The following STOML3 variants were observed in gnomAD, a reference collection of about 807,000 sequenced individuals.
The protein encoded by STOML3 is stomatin like 3.
STOML3 carries 31 observed loss-of-function variants against 29.5 expected under a neutral mutation model. The observed-to-expected ratio is 1.05, with a 90% CI of 0.79 to 1.42. The LOEUF is 1.42. STOML3 is among the 40% of genes most tolerant of loss of function. STOML3 has a pLI of 0.00. For synonymous variants in STOML3, 122 were observed against 139.8 expected (o/e 0.87, Z 0.90); for missense variants, 380 against 363.0 (o/e 1.05, Z -0.38).
At chr13:38,975,214 G>A (rs1475924641) in intron 3 of STOML3, among the ~76,000 whole-genome samples, 3 of 151,732 alleles carry the variant, frequency 2.0e-5, no homozygotes, top group South Asian at 2.1e-4. Flanking sequence ...CCAGCTACTC[G>A]GGAGGCTAAG....
At chr13:38,978,128 A>G (rs1881153790) in intron 1 of STOML3, among the ~76,000 whole-genome samples, 1 of 150,540 alleles carries the variant, frequency 6.6e-6, no homozygotes, top group African/African-American at 2.4e-5. Context: ...TATAGTCACC[A>G]TTTTATCTCC....
At chr13:38,968,162 A>G (rs1880726063) in intron 6 of STOML3, among the ~76,000 whole-genome samples, 1 of 152,164 alleles carries the variant, frequency 6.6e-6, no homozygotes, top group African/African-American at 2.4e-5. Context: ...CTACTTGGCT[A>G]AGTTGCTCAG....
intron 1 of STOML3, among the ~76,000 whole-genome samples, chr13:38,984,406 C>T (rs1448773615): frequency 6.6e-6 from 1 of 152,172 alleles, no homozygotes; most frequent in Non-Finnish European, 1.5e-5. Flanking sequence ...CCTTTGGGTG[C>T]TCCTCTTTTG....
chr13:38,966,567 G>T lies in STOML3; in HGVS notation c.*258C>A. The T allele has an allele frequency of 3.4e-6, 1 of 291,626 alleles. No individual in the cohort carries two copies. The highest frequency in any genetic ancestry group is 4.7e-5 in the Admixed American group (1 of 21,102). The allele number at this position is 291,626 out of a possible 1,614,324, so 18.1% of individuals were successfully genotyped here. ...CCAGAAAGTTCCTGCTATAAAGTCG[G>T]AGACCACCACTAATTAATTATATAA... On this transcript the variant is annotated 3_prime_UTR_variant, in exon 7 of 7. Coordinates refer to ENST00000379631, the MANE Select transcript of STOML3 (RefSeq NM_145286.3).
intron 1 of STOML3, among the ~76,000 whole-genome samples, chr13:38,982,419 T>C (rs1013555035): frequency 6.6e-6 from 1 of 152,124 alleles, no homozygotes. Context: ...AAAAGCTTCT[T>C]GCCAGTTTCA....
At chr13:38,984,712 A>G (rs1241105364) in intron 1 of STOML3, among the ~76,000 whole-genome samples, 1 of 152,188 alleles carries the variant, frequency 6.6e-6, no homozygotes, top group Non-Finnish European at 1.5e-5. Flanking sequence ...TGACAAAATC[A>G]CCTGACAACG....
intron 1 of STOML3, among the ~76,000 whole-genome samples, chr13:38,977,394 A>C (rs912158025): frequency 3.3e-5 from 5 of 152,230 alleles, no homozygotes; most frequent in Non-Finnish European, 5.9e-5. Context: ...TACCCGCCTT[A>C]GAGAATTTGA....
At chr13:38,985,592 T>G (rs960159193) in intron 1 of STOML3, among the ~76,000 whole-genome samples, 3 of 152,196 alleles carry the variant, frequency 2.0e-5, no homozygotes, top group African/African-American at 7.2e-5. Context: ...CCTTGAGATT[T>G]ATGTCCAAAG....
chr13:38,968,425 T>C lies in STOML3; in HGVS notation c.626A>G (p.Glu209Gly). ...QLQRSMAAEAEATREARAKVL... is the reference protein window; with the variant it reads ...QLQRSMAAEAGATREARAKVL... ...CTTGGCTCTCGCTTCCCGGGTGGCC[T>C]CAGCCTCGGCTGCCATGGATCTCTG... Residue 209 changes from glutamate to glycine, a missense_variant, in exon 6 of 7, where the codon GAG (glutamate) becomes GGG (glycine). Transcript: ENST00000379631. 2 of 1,614,130 alleles carry C rather than the reference T, an allele frequency of 1.2e-6. No homozygotes were observed. Among genetic ancestry groups the C allele is most frequent in the African/African-American group, 1.3e-5 (1 of 75,052 alleles).
At chr13:38,967,109 C>G in intron 6 of STOML3, 60 bp from the exon 7 acceptor site, 1 of 1,491,760 alleles carries the variant, frequency 6.7e-7, no homozygotes, top group Non-Finnish European at 9.1e-7. Flanking sequence ...CTAGTTCTTT[C>G]TTTTTCTGGG....
chr13:38,983,489 T>A (rs536071292), intron 1 of STOML3, among the ~76,000 whole-genome samples: 1 of 152,352 alleles, frequency 6.6e-6, no homozygotes, highest in East Asian at 1.9e-4. Context: ...TCCATCTAGA[T>A]AATGGTTTCT....
At chr13:38,986,260 C>G (rs926415292) in intron 1 of STOML3, among the ~76,000 whole-genome samples, 3 of 151,850 alleles carry the variant, frequency 2.0e-5, no homozygotes, top group Admixed American at 2.0e-4. Flanking sequence ...GTCTCAAACT[C>G]CTGACCTCAG....
intron 1 of STOML3, among the ~76,000 whole-genome samples, chr13:38,987,485 C>A (rs1282998547): frequency 2.0e-5 from 3 of 151,560 alleles, no homozygotes; most frequent in African/African-American, 7.3e-5. Flanking sequence ...GAGCAAGACC[C>A]CATCTCTAAA....
intron 3 of STOML3, among the ~76,000 whole-genome samples, chr13:38,974,811 T>C (rs1291975743): frequency 2.6e-5 from 4 of 152,142 alleles, no homozygotes; most frequent in African/African-American, 9.7e-5. Flanking sequence ...TATATTTTTC[T>C]CTAGAGGCCT....
chr13:38,969,275 T>C (rs1482250304), intron 5 of STOML3, among the ~76,000 whole-genome samples: 1 of 152,158 alleles, frequency 6.6e-6, no homozygotes, highest in African/African-American at 2.4e-5. Flanking sequence ...GATGAGTGTC[T>C]TGAGAAATGG....
chr13:38,988,043 T>C (rs1165963268), intron 1 of STOML3, among the ~76,000 whole-genome samples: 1 of 111,010 alleles, frequency 9.0e-6, no homozygotes, highest in Non-Finnish European at 1.7e-5. Context: ...TTATATCATA[T>C]ATTTTATATA....
intron 1 of STOML3, 147 bp downstream of exon 1, chr13:38,990,523 T>A (rs1868958929): frequency 3.2e-6 from 2 of 631,828 alleles, no homozygotes; most frequent in Admixed American, 3.2e-5. Context: ...GCATAAGCAA[T>A]GAATTCAAAA....
chr13:38,987,106 AG>A (rs1350583689), intron 1 of STOML3, among the ~76,000 whole-genome samples: 1 of 152,210 alleles, frequency 6.6e-6, no homozygotes, highest in Non-Finnish European at 1.5e-5. Context: ...GGGGAAAGGA[AG>A]AAAGCCTTAA....
chr13:38,990,749 G>T lies in STOML3; in HGVS notation c.-28C>A. The T allele has an allele frequency of 1.1e-5, 18 of 1,611,052 alleles. No homozygotes were observed. Among genetic ancestry groups the T allele is most frequent in the Non-Finnish European group, 1.5e-5 (18 of 1,178,010 alleles). ...CATTCTTGAGAAGCTTTTATACTTG[G>T]CAATTTTTCATGGGTTTGGAGCTAA... On this transcript the variant is annotated 5_prime_UTR_variant, in exon 1 of 7. An upstream open reading frame in the 5' UTR gains an earlier in-frame stop. Coordinates refer to ENST00000379631, the MANE Select transcript of STOML3 (RefSeq NM_145286.3).
Sources: gnomAD v4.1 joint callset for allele counts (sites outside exome capture counted in the v4.1 genomes callset) on GRCh38, gnomAD v4.1.1 for gene constraint, MANE v1.5 for transcripts, NCBI Gene and HGNC (gene_info 2026-07-23, HGNC 2026-07-21) for gene names.